DAPK2: variants seen among roughly 807,000 people sequenced by gnomAD.
The protein encoded by DAPK2 is death associated protein kinase 2.
In DAPK2, 35 loss-of-function variants were observed where a neutral mutation model predicts 44.1. The ratio of observed to expected loss-of-function variants is 0.79; its 90% CI spans 0.61 to 1.05. The LOEUF is 1.05. Ranked by LOEUF, DAPK2 falls within the 50% of genes least tolerant of loss-of-function variation. The pLI is 0.00. For missense variants in DAPK2, 453 were observed against 483.2 expected (o/e 0.94, Z 0.59); for synonymous variants, 174 against 182.6 (o/e 0.95, Z 0.38).
chr15:63,984,860 A>G (rs1260536010), intron 1 of DAPK2, among the ~76,000 whole-genome samples: 1 of 152,200 alleles, frequency 6.6e-6, no homozygotes, highest in Non-Finnish European at 1.5e-5. Context: ...GCAAAATAGC[A>G]CTGCATCTGA....
chr15:63,955,234 T>C (rs1435079243), intron 3 of DAPK2, among the ~76,000 whole-genome samples: 1 of 152,218 alleles, frequency 6.6e-6, no homozygotes, highest in Non-Finnish European at 1.5e-5. Flanking sequence ...TTACAGATTT[T>C]AGAGGAAAGG....
intron 1 of DAPK2, among the ~76,000 whole-genome samples, chr15:64,027,462 AG>A (rs1275126530): frequency 7.9e-5 from 12 of 152,088 alleles, no homozygotes; most frequent in Admixed American, 6.6e-4. Flanking sequence ...CAAGAGGCTG[AG>A]GTGGGAGGAT....
At chr15:63,954,694 A>C (rs1402453759) in intron 3 of DAPK2, among the ~76,000 whole-genome samples, 1 of 152,042 alleles carries the variant, frequency 6.6e-6, no homozygotes, top group Admixed American at 6.5e-5. Context: ...TAAGAATGTC[A>C]TTGGTATTTT....
intron 1 of DAPK2, among the ~76,000 whole-genome samples, chr15:64,033,477 T>C (rs1027035258): frequency 2.0e-5 from 3 of 152,124 alleles, no homozygotes; most frequent in Non-Finnish European, 4.4e-5. Context: ...CTCACAGATC[T>C]ACCTGCACTG....
chr15:64,033,316 G>GGAAGGAAGGAAGGAAT, intron 1 of DAPK2, among the ~76,000 whole-genome samples: 1 of 142,400 alleles, frequency 7.0e-6, no homozygotes, highest in Non-Finnish European at 1.6e-5. Flanking sequence ...AAGGAAGGAA[G>GGAAGGAAGGAAGGAAT]GAAGGAAGGA....
intron 3 of DAPK2, among the ~76,000 whole-genome samples, chr15:63,949,744 G>A (rs142712954): frequency 1.3e-5 from 2 of 152,298 alleles, no homozygotes; most frequent in African/African-American, 4.8e-5. Context: ...CCATCCTTAG[G>A]TAGATAGGAG....
intron 3 of DAPK2, among the ~76,000 whole-genome samples, chr15:63,958,756 G>GCATT (rs1185483633): frequency 2.0e-4 from 30 of 152,318 alleles, no homozygotes; most frequent in Non-Finnish European, 7.3e-5. Flanking sequence ...GGTTACTGTA[G>GCATT]CATTGTAGTA....
chr15:64,008,014 TG>T (rs2079281966), intron 1 of DAPK2, among the ~76,000 whole-genome samples: 1 of 152,026 alleles, frequency 6.6e-6, no homozygotes, highest in African/African-American at 2.4e-5. Context: ...CTAGGGCTAG[TG>T]GGTTTGGGAG....
intron 1 of DAPK2, among the ~76,000 whole-genome samples, chr15:63,997,295 A>G (rs910938154): frequency 1.3e-5 from 2 of 152,080 alleles, no homozygotes. Flanking sequence ...ATCCAACATG[A>G]TTTATTTGTC....
chr15:63,978,825 C>G (rs2140816381), intron 2 of DAPK2, among the ~76,000 whole-genome samples: 1 of 152,332 alleles, frequency 6.6e-6, no homozygotes, highest in East Asian at 1.9e-4. Context: ...TCCTAGTGTT[C>G]CCAGGATCAT....
At chr15:63,971,398 C>A (rs777049207) in intron 3 of DAPK2, 25 bp downstream of exon 4, 7 of 1,613,258 alleles carry the variant, frequency 4.3e-6, no homozygotes, top group Non-Finnish European at 5.1e-6. Flanking sequence ...AAACTTGATT[C>A]TTTTCCCTTT....
rs1387252336 is a variant in DAPK2 at position 63,939,793 on chromosome 15, A to G, written c.454-432T>C. 1.3e-5 allele frequency among the ~76,000 whole-genome samples: 2 copies of G among 152,250 alleles called. No homozygotes were observed. The highest frequency in any genetic ancestry group is 4.8e-5 in the African/African-American group (2 of 41,536). ...ACATCCCAGCTTAGCCTCTGTTTAT[A>G]CTTGGCTTACTGACCTTGGTCTTCC... is the stretch of plus-strand genomic sequence containing the variant. On this transcript the variant is annotated intron_variant, in intron 3 of 10. Coordinates refer to ENST00000261891, the Ensembl canonical transcript of DAPK2. This position sits in a 1 kb window ranked among gnomAD's most constrained non-coding sequence, Gnocchi z 4.3.
At chr15:64,035,789 G>A (rs2414831) in intron 1 of DAPK2, among the ~76,000 whole-genome samples, 68,705 of 152,156 alleles carry the variant, frequency 0.45, 18,837 homozygotes, top group East Asian at 0.78. Flanking sequence ...TGCCAAAAGT[G>A]TGAGCACAGC....
At chr15:63,944,336 C>A (rs1238479233) in intron 3 of DAPK2, among the ~76,000 whole-genome samples, 1 of 152,188 alleles carries the variant, frequency 6.6e-6, no homozygotes. Context: ...GAGGCCATGG[C>A]TCCCTGCTAT....
In DAPK2 at chr15:63,939,295, G is replaced by C. The variant is rs1184752169; in HGVS notation, c.520C>G (p.Leu174Val). Residue 174 changes from leucine to valine, a missense_variant, in exon 4 of 11, where the codon CTG (leucine) becomes GTG (valine). Physicochemically the swap from Leu to Val is conservative, Grantham distance 32. Coordinates refer to ENST00000261891, the Ensembl canonical transcript of DAPK2. This position sits in a 1 kb window ranked among gnomAD's most constrained non-coding sequence, Gnocchi z 4.3. ...ACTCCATCTTCTATTTCGTGAGCCA[G>C]ACCAAAGTCAATCAGCTTGATGTGT... 1.8e-5 allele frequency: 29 copies of C among 1,613,180 alleles called. No individual in the cohort carries two copies. The highest frequency in any genetic ancestry group is 2.5e-5 in the Non-Finnish European group (29 of 1,179,950).
chr15:64,035,370 C>T (rs1185360208), intron 1 of DAPK2, among the ~76,000 whole-genome samples: 1 of 152,222 alleles, frequency 6.6e-6, no homozygotes, highest in East Asian at 1.9e-4. Context: ...CCCAAAGGCT[C>T]ATCCTTCTAA....
At chr15:63,933,621 C>T (rs1253322878) in intron 4 of DAPK2, among the ~76,000 whole-genome samples, 1 of 126,564 alleles carries the variant, frequency 7.9e-6, no homozygotes, top group African/African-American at 3.1e-5. Flanking sequence ...TTTTTTGAGA[C>T]AGGGTCTTGC....
At chr15:64,046,392 A>AGCGGCGGGCGCGGCGGGAG (rs2080469401), upstream of DAPK2, 2 of 288,300 alleles carry the variant, frequency 6.9e-6, no homozygotes, top group African/African-American at 4.8e-5. The surrounding 1 kb of genome is among the most constrained non-coding windows in gnomAD (Gnocchi z 5.3). Flanking sequence ...CGCGGCGGGA[A>AGCGGCGGGCGCGGCGGGAG]CGGGGGACGC....
At chr15:63,942,026 T>C (rs1435930920) in intron 3 of DAPK2, among the ~76,000 whole-genome samples, 1 of 152,220 alleles carries the variant, frequency 6.6e-6, no homozygotes, top group Non-Finnish European at 1.5e-5. Context: ...TGAAGGGCCA[T>C]GGCCCAGCCC....
Sources: gnomAD v4.1 joint callset for allele counts (sites outside exome capture counted in the v4.1 genomes callset) on GRCh38, gnomAD v4.1.1 for gene constraint, Gnocchi (gnomAD v3.1) non-coding constraint, MANE v1.5 for transcripts, NCBI Gene and HGNC (gene_info 2026-07-23, HGNC 2026-07-21) for gene names.